The following MACROD2 variants were observed in gnomAD, a reference collection of about 807,000 sequenced individuals.
MACROD2 encodes the protein ADP-ribose glycohydrolase MACROD2.
MACROD2 carries 36 observed loss-of-function variants against 70.4 expected under a neutral mutation model. That is an observed-to-expected ratio of 0.51 (90% CI 0.39 to 0.68). The LOEUF (loss-of-function observed/expected upper bound fraction) is 0.68, where lower values mean the gene tolerates loss of function less well. Among genes scored for constraint, MACROD2 ranks in the 30% least tolerant of loss-of-function variants. The probability of loss-of-function intolerance (pLI) is 0.00; values close to 1 mark genes in which losing one functional copy is unlikely to be tolerated. For synonymous variants in MACROD2, 172 were observed against 178.8 expected (o/e 0.96, Z 0.30); for missense variants, 496 against 538.4 (o/e 0.92, Z 0.78).
chr20:14,841,725 T>C (rs1232843427), intron 5 of MACROD2, among the ~76,000 whole-genome samples: 1 of 152,066 alleles, frequency 6.6e-6, no homozygotes, highest in Non-Finnish European at 1.5e-5. Flanking sequence ...ATAAGTAAAC[T>C]TGAGTTTTCT....
At chr20:15,645,129 G>A (rs2049521417) in intron 8 of MACROD2, among the ~76,000 whole-genome samples, 1 of 152,130 alleles carries the variant, frequency 6.6e-6, no homozygotes, top group Admixed American at 6.5e-5. Context: ...ATAAATGATT[G>A]TCTCTGAGCT....
At chr20:14,170,496 T>G (rs2081210868) in intron 3 of MACROD2, among the ~76,000 whole-genome samples, 2 of 151,968 alleles carry the variant, frequency 1.3e-5, no homozygotes, top group South Asian at 4.1e-4. Context: ...ATAGGTAGCT[T>G]TTATTATGTT....
intron 5 of MACROD2, among the ~76,000 whole-genome samples, chr20:15,020,386 TTA>T (rs1387523676): frequency 1.3e-5 from 2 of 152,166 alleles, no homozygotes; most frequent in East Asian, 1.9e-4. Context: ...CTGAAAAAAT[TTA>T]TATGAGTTTT....
At chr20:14,534,646 C>T (rs780367576) in intron 4 of MACROD2, among the ~76,000 whole-genome samples, 8 of 152,094 alleles carry the variant, frequency 5.3e-5, no homozygotes, top group Non-Finnish European at 1.0e-4. Context: ...TGGATCAGAT[C>T]CTCAGAGTCT....
chr20:15,450,637 T>G (rs1883739465), intron 7 of MACROD2, among the ~76,000 whole-genome samples: 1 of 152,148 alleles, frequency 6.6e-6, no homozygotes, highest in Admixed American at 6.6e-5. Flanking sequence ...CTTTATGACT[T>G]TCTTTTTAAA....
chr20:15,270,385 G>T (rs453349), intron 6 of MACROD2, among the ~76,000 whole-genome samples: 2 of 151,900 alleles, frequency 1.3e-5, no homozygotes, highest in Non-Finnish European at 2.9e-5. Flanking sequence ...CTATGAAGCC[G>T]TTGATATAAT....
chr20:14,025,820 G>A (rs1042424757), intron 2 of MACROD2, among the ~76,000 whole-genome samples: 3 of 152,138 alleles, frequency 2.0e-5, no homozygotes, highest in Admixed American at 6.5e-5. Context: ...TGTATATTCC[G>A]TTTATTTGGG....
intron 2 of MACROD2, chr20:14,051,677 G>C: frequency 2.9e-6 from 1 of 340,398 alleles, no homozygotes; most frequent in Non-Finnish European, 5.7e-6. Context: ...ATAAAATAAT[G>C]AATGGTAAAG....
At chr20:14,499,037 G>A (rs1171047937) in intron 4 of MACROD2, among the ~76,000 whole-genome samples, 2 of 152,304 alleles carry the variant, frequency 1.3e-5, no homozygotes, top group East Asian at 3.9e-4. Context: ...GTCAAGCATG[G>A]CTAGTAGTGA....
intron 8 of MACROD2, among the ~76,000 whole-genome samples, chr20:15,599,479 A>G (rs1018569163): frequency 6.6e-6 from 1 of 152,146 alleles, no homozygotes; most frequent in East Asian, 1.9e-4. Flanking sequence ...CAGTGGTCAA[A>G]CACCAATAAC....
chr20:14,094,130 G>A (rs543001754), intron 3 of MACROD2, among the ~76,000 whole-genome samples: 1 of 152,224 alleles, frequency 6.6e-6, no homozygotes, highest in East Asian at 1.9e-4. Context: ...ACTGGAAGCA[G>A]AAATGAAACT....
chr20:15,910,899 G>T (rs1335377368), intron 10 of MACROD2, among the ~76,000 whole-genome samples: 2 of 152,196 alleles, frequency 1.3e-5, no homozygotes, highest in Admixed American at 6.5e-5. Context: ...TAATTTACCA[G>T]TTGCATCAGA....
At chr20:15,218,538 T>G (rs1385487528) in intron 5 of MACROD2, among the ~76,000 whole-genome samples, 2 of 152,202 alleles carry the variant, frequency 1.3e-5, no homozygotes, top group Non-Finnish European at 2.9e-5. Flanking sequence ...TACTCCATGA[T>G]GTCTTATAGA....
At chr20:15,857,514 C>A (rs1212560562) in intron 8 of MACROD2, among the ~76,000 whole-genome samples, 1 of 152,202 alleles carries the variant, frequency 6.6e-6, no homozygotes, top group African/African-American at 2.4e-5. Flanking sequence ...GAAGAACCAT[C>A]AAGAACTGGA....
At chr20:15,339,273 T>A (rs975333550) in intron 6 of MACROD2, among the ~76,000 whole-genome samples, 4 of 151,876 alleles carry the variant, frequency 2.6e-5, no homozygotes, top group African/African-American at 9.7e-5. Flanking sequence ...ATAGGTTAGG[T>A]GTATTCTGAT....
At chr20:14,770,305 A>G (rs1321284301) in intron 5 of MACROD2, among the ~76,000 whole-genome samples, 1 of 151,978 alleles carries the variant, frequency 6.6e-6, no homozygotes, top group Non-Finnish European at 1.5e-5. Flanking sequence ...AGGATGATAG[A>G]CCCATCTTCA....
intron 8 of MACROD2, among the ~76,000 whole-genome samples, chr20:15,614,134 A>G (rs563148309): frequency 9.2e-5 from 14 of 152,318 alleles, no homozygotes; most frequent in African/African-American, 3.1e-4. Context: ...AGTCACCTTA[A>G]TTACCTTAAT....
chr20:15,616,931 G>A (rs959819798), intron 8 of MACROD2, among the ~76,000 whole-genome samples: 5 of 152,152 alleles, frequency 3.3e-5, no homozygotes, highest in African/African-American at 1.2e-4. Context: ...GACTGCTAAT[G>A]CTTTTCCTTC....
intron 8 of MACROD2, among the ~76,000 whole-genome samples, chr20:15,526,079 A>G (rs980379783): frequency 2.6e-5 from 4 of 152,218 alleles, no homozygotes; most frequent in African/African-American, 9.6e-5. Flanking sequence ...TTTATTTCAG[A>G]AAAGGAAGGA....
Sources: gnomAD v4.1 joint callset for allele counts (sites outside exome capture counted in the v4.1 genomes callset) on GRCh38, gnomAD v4.1.1 for gene constraint, MANE v1.5 for transcripts, NCBI Gene and HGNC (gene_info 2026-07-23, HGNC 2026-07-21) for gene names.